The following THSD7B variants were observed in gnomAD, a reference collection of about 807,000 sequenced individuals.
The protein encoded by THSD7B is thrombospondin type-1 domain-containing protein 7B.
In THSD7B, 138 loss-of-function variants were observed where a neutral mutation model predicts 213.6. The observed-to-expected ratio is 0.65, with a 90% confidence interval of 0.56 to 0.74. The LOEUF (loss-of-function observed/expected upper bound fraction) is 0.74. Ranked by LOEUF, THSD7B falls within the 30% of genes least tolerant of loss-of-function variation. THSD7B has a pLI of 0.00. For missense variants in THSD7B, 1,931 were observed against 1,991.5 expected, an observed-to-expected ratio of 0.97 and a Z score of 0.58; for synonymous variants, 742 against 687.0, an observed-to-expected ratio of 1.08 and a Z score of -1.25.
intron 5 of THSD7B, among the ~76,000 whole-genome samples, chr2:137,145,463 A>G (rs1055031495): frequency 6.6e-6 from 1 of 152,014 alleles, no homozygotes; most frequent in African/African-American, 2.4e-5. Flanking sequence ...GTGCCTTACC[A>G]TTATCTGTAC....
At chr2:137,562,132 A>G (rs988080172) in intron 15 of THSD7B, among the ~76,000 whole-genome samples, 3 of 152,172 alleles carry the variant, frequency 2.0e-5, no homozygotes, top group Non-Finnish European at 4.4e-5. Context: ...GTAAAAACAT[A>G]CAAGCAATGG....
intron 15 of THSD7B, among the ~76,000 whole-genome samples, chr2:137,467,960 G>A (rs1327237732): frequency 4.6e-5 from 7 of 152,040 alleles, no homozygotes; most frequent in East Asian, 1.9e-4. Context: ...AGCCTCTTTG[G>A]GTTATTTATG....
chr2:137,579,205 CT>C (rs913586627), intron 17 of THSD7B, among the ~76,000 whole-genome samples: 6 of 152,222 alleles, frequency 3.9e-5, no homozygotes, highest in African/African-American at 1.4e-4. Context: ...TTCTGCTTTA[CT>C]TTTCCCAAAT....
At chr2:137,205,724 T>G (rs941207738) in intron 7 of THSD7B, among the ~76,000 whole-genome samples, 6 of 152,030 alleles carry the variant, frequency 3.9e-5, no homozygotes, top group Non-Finnish European at 8.8e-5. Context: ...GGTTCTCAGC[T>G]CCTCAAGAGC....
intron 15 of THSD7B, among the ~76,000 whole-genome samples, chr2:137,462,758 A>T (rs1011441194): frequency 1.2e-4 from 19 of 152,032 alleles, no homozygotes; most frequent in Admixed American, 7.2e-4. Flanking sequence ...CCTGTGTTCA[A>T]GTAAACCTTA....
chr2:137,132,255 G>C lies in THSD7B; in HGVS notation c.1369+16962G>C, dbSNP rs180868696. Among the ~76,000 whole-genome samples, 239 of 151,204 alleles carry C rather than the reference G, an allele frequency of 1.6e-3. 1 individual carries two copies. The highest frequency in any genetic ancestry group is 4.4e-3 in the Admixed American group (66 of 15,140). ...TGTTTCCTGAGACTTTGCTGAAGTT[G>C]CTTATCAGCTTAAGGAGATTTTAGG... is the stretch of plus-strand genomic sequence containing the variant. On this transcript the variant is annotated intron_variant, in intron 5 of 27. Transcript: ENST00000409968.
chr2:137,205,557 G>T (rs148560818), intron 7 of THSD7B, among the ~76,000 whole-genome samples: 1,978 of 152,044 alleles, frequency 0.013, 20 homozygotes, highest in Middle Eastern at 0.031. Context: ...GCAGTTTTCT[G>T]TTTCGTATCA....
At chr2:137,390,911 T>C (rs1686009796) in intron 12 of THSD7B, among the ~76,000 whole-genome samples, 1 of 152,160 alleles carries the variant, frequency 6.6e-6, no homozygotes, top group African/African-American at 2.4e-5. Flanking sequence ...TTTGATGTGA[T>C]GTTGGATTTC....
chr2:137,420,528 T>C (rs912881677), intron 14 of THSD7B, among the ~76,000 whole-genome samples: 3 of 152,180 alleles, frequency 2.0e-5, no homozygotes, highest in Non-Finnish European at 4.4e-5. Flanking sequence ...CTCGGTCCTA[T>C]ACTTCTCCTA....
intron 2 of THSD7B, among the ~76,000 whole-genome samples, chr2:137,006,679 C>T (rs1042854530): frequency 2.0e-5 from 3 of 152,058 alleles, no homozygotes; most frequent in Non-Finnish European, 4.4e-5. Flanking sequence ...TTAGCTCAGC[C>T]CAAGTTAACG....
chr2:137,137,423 G>A (rs1376724672), intron 5 of THSD7B, among the ~76,000 whole-genome samples: 1 of 152,142 alleles, frequency 6.6e-6, no homozygotes, highest in Non-Finnish European at 1.5e-5. Flanking sequence ...TTCGGTCAAT[G>A]ACAAACCACA....
At chr2:137,307,711 ATTC>A (rs1282601555) in intron 12 of THSD7B, among the ~76,000 whole-genome samples, 1 of 152,130 alleles carries the variant, frequency 6.6e-6, no homozygotes, top group Non-Finnish European at 1.5e-5. Context: ...ATAATTGTCT[ATTC>A]TTTGTGCAAT....
chr2:136,787,056 T>C (rs903166751), intron 1 of THSD7B, among the ~76,000 whole-genome samples: 7 of 152,148 alleles, frequency 4.6e-5, no homozygotes, highest in Admixed American at 1.3e-4. Context: ...GAACCTAAAA[T>C]TCAGAAGAAA....
At chr2:137,591,953 T>A (rs540116952) in intron 17 of THSD7B, among the ~76,000 whole-genome samples, 41 of 151,924 alleles carry the variant, frequency 2.7e-4, no homozygotes, top group African/African-American at 8.9e-4. Context: ...TTCTTTCTTT[T>A]AAAGAAGACT....
chr2:137,471,266 C>T (rs1233345325), intron 15 of THSD7B, among the ~76,000 whole-genome samples: 1 of 152,060 alleles, frequency 6.6e-6, no homozygotes. Context: ...AGGCTCATCC[C>T]TTAATATCTG....
chr2:136,900,841 T>C (rs1333036985), intron 2 of THSD7B, among the ~76,000 whole-genome samples: 1 of 152,220 alleles, frequency 6.6e-6, no homozygotes, highest in Admixed American at 6.5e-5. Context: ...CAGCTGATTT[T>C]AGCATGGAGC....
At chr2:137,565,317 C>T (rs908857091) in intron 16 of THSD7B, among the ~76,000 whole-genome samples, 1 of 152,088 alleles carries the variant, frequency 6.6e-6, no homozygotes, top group Non-Finnish European at 1.5e-5. Flanking sequence ...GCTCATGGCT[C>T]TGGAGGCTGG....
intron 3 of THSD7B, among the ~76,000 whole-genome samples, chr2:137,090,730 A>G (rs191150241): frequency 2.6e-5 from 4 of 152,274 alleles, no homozygotes; most frequent in East Asian, 1.9e-4. Context: ...GAAAGGATCA[A>G]TTTTCATTTC....
chr2:137,510,582 T>C (rs1402604746), intron 15 of THSD7B, among the ~76,000 whole-genome samples: 1 of 152,176 alleles, frequency 6.6e-6, no homozygotes, highest in East Asian at 1.9e-4. Context: ...CCAATGTAGA[T>C]AAGTTAGCAT....
Sources: allele counts gnomAD v4.1 joint callset (sites outside exome capture counted in the v4.1 genomes callset), GRCh38; gene constraint gnomAD v4.1.1; transcripts MANE v1.5; gene names NCBI Gene and HGNC (gene_info 2026-07-23, HGNC 2026-07-21).